Variants in BANF2 observed in about 807,000 individuals in gnomAD.
The protein encoded by BANF2 is BANF family member 2, also known as barrier-to-autointegration factor-like protein.
Under a neutral mutation model 8.0 loss-of-function variants are expected in BANF2, and 4 were observed. The observed-to-expected ratio is 0.50, with a 90% CI of 0.25 to 1.14. The LOEUF (loss-of-function observed/expected upper bound fraction) is 1.14, where lower values mean the gene tolerates loss of function less well. Among genes scored for constraint, BANF2 ranks in the 50% most tolerant of loss-of-function variants. The pLI, the probability that BANF2 is intolerant of heterozygous loss-of-function variation, is 0.16. For synonymous variants in BANF2, 50 were observed against 40.6 expected (o/e 1.23, Z -0.88); for missense variants, 96 against 107.5 (o/e 0.89, Z 0.47).
At chr20:17,721,384 T>G (rs1383976202) in intron 1 of BANF2, among the ~76,000 whole-genome samples, 3 of 132,692 alleles carry the variant, frequency 2.3e-5, no homozygotes, top group African/African-American at 9.1e-5. Flanking sequence ...TTCTTTTTCT[T>G]TCTTTCTTTC....
chr20:17,716,532 C>G (rs1189688844), intron 1 of BANF2, among the ~76,000 whole-genome samples: 1 of 151,680 alleles, frequency 6.6e-6, no homozygotes, highest in Non-Finnish European at 1.5e-5. Context: ...GGCATGTTGC[C>G]CAGGCTCACC....
upstream of BANF2, among the ~76,000 whole-genome samples, chr20:17,698,421 T>C (rs933962899): frequency 1.3e-5 from 2 of 152,198 alleles, no homozygotes; most frequent in Non-Finnish European, 1.5e-5. Context: ...CTGTGGAAAT[T>C]ACCCAGCCTC....
At chr20:17,718,113 T>A (rs904113818) in intron 1 of BANF2, among the ~76,000 whole-genome samples, 3 of 152,252 alleles carry the variant, frequency 2.0e-5, no homozygotes, top group East Asian at 3.8e-4. Flanking sequence ...AAATAATACA[T>A]GAAAATATTG....
intron 1 of BANF2, among the ~76,000 whole-genome samples, chr20:17,704,541 A>G (rs934123775): frequency 6.6e-6 from 1 of 152,142 alleles, no homozygotes; most frequent in Non-Finnish European, 1.5e-5. Context: ...GGTCTACATG[A>G]TCGGTCCCTT....
intron 3 of BANF2, among the ~76,000 whole-genome samples, chr20:17,732,370 T>C (rs1472104247): frequency 6.6e-6 from 1 of 152,120 alleles, no homozygotes; most frequent in Non-Finnish European, 1.5e-5. Flanking sequence ...CCCCATCCTT[T>C]TGTTTGTTTG....
At chr20:17,707,802 A>G (rs1192109084) in intron 1 of BANF2, among the ~76,000 whole-genome samples, 7 of 151,844 alleles carry the variant, frequency 4.6e-5, no homozygotes, top group Non-Finnish European at 8.8e-5. Flanking sequence ...CTGGTCTCGA[A>G]CTTCTGACCT....
chr20:17,698,006 A>C (rs1290901122), upstream of BANF2, among the ~76,000 whole-genome samples: 4 of 151,942 alleles, frequency 2.6e-5, no homozygotes, highest in Non-Finnish European at 5.9e-5. Flanking sequence ...GGAGTTTGAG[A>C]CCAGCCTGGC....
intron 1 of BANF2, among the ~76,000 whole-genome samples, chr20:17,707,393 A>G (rs912042265): frequency 1.6e-4 from 25 of 151,966 alleles, no homozygotes; most frequent in African/African-American, 6.0e-4. Context: ...AAAAAAAAGA[A>G]AATCCCAGTA....
chr20:17,715,403 G>A (rs1404800904), intron 1 of BANF2, among the ~76,000 whole-genome samples: 1 of 152,160 alleles, frequency 6.6e-6, no homozygotes, highest in Middle Eastern at 3.2e-3. Flanking sequence ...AATGTCTGAG[G>A]AACTGTTGAA....
chr20:17,717,445 AC>A (rs1391627406), intron 1 of BANF2, among the ~76,000 whole-genome samples: 1 of 152,168 alleles, frequency 6.6e-6, no homozygotes, highest in Non-Finnish European at 1.5e-5. Context: ...CTTTGAATAT[AC>A]GAATCTACAT....
rs116043526 is a variant in BANF2, at chr20:17,715,581, G to A, written c.-166-7135G>A. On this transcript the variant is annotated intron_variant, in intron 1 of 3. Coordinates refer to ENST00000246090, the MANE Select transcript of BANF2 (RefSeq NM_178477.5). ...AAATATTACTTTATTTTTGAACAACGAGCATTAGTGGTCATTAGAAAGTGA... is the reference window on the plus strand; with the variant it reads ...AAATATTACTTTATTTTTGAACAACAAGCATTAGTGGTCATTAGAAAGTGA... 5.3e-3 allele frequency among the ~76,000 whole-genome samples: 810 copies of A among 152,326 alleles called. 10 individuals are homozygous for A. Among genetic ancestry groups the A allele is most frequent in the African/African-American group, 0.018 (754 of 41,574 alleles).
chr20:17,710,581 T>A (rs779048960), intron 1 of BANF2, among the ~76,000 whole-genome samples: 25 of 152,202 alleles, frequency 1.6e-4, no homozygotes, highest in Non-Finnish European at 2.6e-4. Flanking sequence ...ATTCTGTTTC[T>A]AGTCCCGGGG....
chr20:17,730,868 T>C (rs2037884655), intron 3 of BANF2, among the ~76,000 whole-genome samples: 2 of 152,252 alleles, frequency 1.3e-5, no homozygotes. Flanking sequence ...TGCCTAGGGT[T>C]GCCAGATCAA....
intron 1 of BANF2, among the ~76,000 whole-genome samples, chr20:17,703,836 A>G (rs1178536844): frequency 6.7e-6 from 1 of 149,264 alleles, no homozygotes; most frequent in African/African-American, 2.5e-5. Context: ...CCGCCTCCCA[A>G]TCCTGGGTTC....
chr20:17,717,321 A>T (rs528059430), intron 1 of BANF2, among the ~76,000 whole-genome samples: 1 of 152,224 alleles, frequency 6.6e-6, no homozygotes, highest in Admixed American at 6.5e-5. Flanking sequence ...CTCAGGGCAT[A>T]GGGGTGGGTG....
At chr20:17,731,458 CAA>C (rs934905392) in intron 3 of BANF2, 1 of 152,124 alleles carries the variant, frequency 6.6e-6, no homozygotes, top group Non-Finnish European at 1.5e-5. Flanking sequence ...AGCTAGAGAA[CAA>C]GAGAGGGCAG....
chr20:17,700,243 C>G (rs933555915), intron 1 of BANF2, among the ~76,000 whole-genome samples, 188 bp downstream of exon 1: 1 of 152,226 alleles, frequency 6.6e-6, no homozygotes, highest in South Asian at 2.1e-4. Flanking sequence ...CCCTTCCCAG[C>G]CTCTTCCTGC....
At chr20:17,697,700 C>T (rs889686037), upstream of BANF2, among the ~76,000 whole-genome samples, 2 of 152,092 alleles carry the variant, frequency 1.3e-5, no homozygotes, top group Non-Finnish European at 1.5e-5. Context: ...ATGGGGGCAA[C>T]AATGTGGGGT....
At chr20:17,729,219 G>A (rs1352489262) in intron 3 of BANF2, among the ~76,000 whole-genome samples, 1 of 152,120 alleles carries the variant, frequency 6.6e-6, no homozygotes, top group Non-Finnish European at 1.5e-5. Context: ...TGTCTTCTCT[G>A]TCCCGCTGCC....
Sources: allele counts gnomAD v4.1 joint callset (sites outside exome capture counted in the v4.1 genomes callset), GRCh38; gene constraint gnomAD v4.1.1; transcripts MANE v1.5; gene names NCBI Gene and HGNC (gene_info 2026-07-23, HGNC 2026-07-21).